Variants in GPR149 observed in about 807,000 individuals in gnomAD.
GPR149 encodes G protein-coupled receptor 149.
Under a neutral mutation model 50.2 loss-of-function variants are expected in GPR149, and 50 were observed. The ratio of observed to expected loss-of-function variants is 1.00; its 90% CI spans 0.79 to 1.26. The LOEUF (loss-of-function observed/expected upper bound fraction) is 1.26, where lower values mean the gene tolerates loss of function less well. Among genes scored for constraint, GPR149 ranks in the 50% most tolerant of loss-of-function variants. The pLI is 0.00. For missense variants in GPR149, 983 were observed against 895.4 expected (o/e 1.10, Z -1.25); for synonymous variants, 405 against 358.2 (o/e 1.13, Z -1.48).
Position 154,429,394 on chromosome 3 carries a change from C to T in GPR149, c.222G>A (p.Trp74Ter), listed in dbSNP as rs775138006. ...RTVVSMLVAS[W>*]SVDDLMSVLS... ...GGACGCTCATGAGATCATCCACAGA[C>T]CAGGAAGCCACAAGCATGGACACAA... Residue 74 changes from tryptophan to a stop codon, truncating the protein, a stop_gained, in exon 1 of 4, where the codon TGG (tryptophan) becomes TGA (stop). Transcript: ENST00000389740. LOFTEE classifies it high-confidence loss of function. 14 of 1,614,056 alleles carry T rather than the reference C, an allele frequency of 8.7e-6. No homozygotes were observed. Among genetic ancestry groups the T allele is most frequent in the Non-Finnish European group, 1.1e-5 (13 of 1,180,042 alleles).
chr3:154,366,324 A>C (rs1714532033), intron 3 of GPR149, among the ~76,000 whole-genome samples: 1 of 152,234 alleles, frequency 6.6e-6, no homozygotes, highest in Non-Finnish European at 1.5e-5. Flanking sequence ...GTACAGCATT[A>C]CATGACAGAT....
Position 154,429,174 on chromosome 3 carries a change from C to A in GPR149, c.442G>T (p.Gly148Cys). 1.1e-5 allele frequency: 18 copies of A among 1,613,974 alleles called. No homozygotes were observed. The highest frequency in any genetic ancestry group is 1.5e-5 in the Non-Finnish European group (18 of 1,179,986). Residue 148 changes from glycine (G) to cysteine (C), a missense_variant, in exon 1 of 4, where the codon GGC becomes TGC. Physicochemically the swap from Gly to Cys is radical, Grantham distance 159 (BLOSUM62 -3). Coordinates refer to ENST00000389740, the MANE Select transcript of GPR149 (RefSeq NM_001038705.3). ...GTCAGCACCACGCCGAGCACCTGGC[C>A]CGATCTTCTGGAGGCTGTCTGGCTC... ...VGSQTASRRS[G>C]QVLGVVLTVW... is the part of the protein sequence containing the mutation.
At chr3:154,428,252 C>T (rs1378099109) in intron 1 of GPR149, among the ~76,000 whole-genome samples, 4 of 152,292 alleles carry the variant, frequency 2.6e-5, no homozygotes, top group African/African-American at 4.8e-5. Context: ...AATGGAACGG[C>T]GAGAAAGGGA....
intron 3 of GPR149, chr3:154,352,625 C>T (rs758641048): frequency 2.6e-6 from 2 of 777,900 alleles, no homozygotes; most frequent in Non-Finnish European, 4.8e-6. Flanking sequence ...AAACTTGATG[C>T]ACCAGAAATG....
In GPR149 at chr3:154,374,961, GA is replaced by G. The variant is rs1714757548; in HGVS notation, c.1624-36691del. ...TATAATGTGGTACAGTTTGAGCAAAGATAAGTATTTAGAATTAGTTATATGG... is the reference window on the plus strand; with the variant it reads ...TATAATGTGGTACAGTTTGAGCAAAGTAAGTATTTAGAATTAGTTATATGG... On this transcript the variant is annotated intron_variant, in intron 3 of 3. Coordinates refer to ENST00000389740, the MANE Select transcript of GPR149 (RefSeq NM_001038705.3). 3.3e-5 allele frequency among the ~76,000 whole-genome samples: 5 copies of G among 152,324 alleles called. No individual in the cohort carries two copies. In the South Asian group the frequency reaches 1.0e-3, roughly 32 times the overall value.
intron 3 of GPR149, among the ~76,000 whole-genome samples, chr3:154,340,170 G>A (rs961013416): frequency 1.3e-5 from 2 of 152,098 alleles, no homozygotes; most frequent in African/African-American, 4.8e-5. Context: ...TTCTTTCCTG[G>A]TTATTCTCTG....
At chr3:154,406,824 C>T (rs982144370) in intron 3 of GPR149, among the ~76,000 whole-genome samples, 1 of 152,092 alleles carries the variant, frequency 6.6e-6, no homozygotes, top group East Asian at 1.9e-4. Flanking sequence ...GAATGAAGCG[C>T]ATATGCCTTT....
chr3:154,413,581 T>C (rs1349916932), intron 3 of GPR149, among the ~76,000 whole-genome samples: 1 of 151,542 alleles, frequency 6.6e-6, no homozygotes, highest in African/African-American at 2.4e-5. Flanking sequence ...ATCAGGGAAA[T>C]GCAAATCTAA....
chr3:154,425,043 GCAAAACAAAA>G (rs532538353), intron 2 of GPR149, among the ~76,000 whole-genome samples: 1 of 151,846 alleles, frequency 6.6e-6, no homozygotes, highest in African/African-American at 2.4e-5. Flanking sequence ...CATTTGAGAA[GCAAAACAAAA>G]CAAAACAAAA....
chr3:154,383,321 A>G (rs1714974148), intron 3 of GPR149, among the ~76,000 whole-genome samples: 2 of 152,122 alleles, frequency 1.3e-5, no homozygotes, highest in Non-Finnish European at 2.9e-5. Context: ...TTAACATATC[A>G]TCTCTGCTTC....
At chr3:154,352,894 T>C (rs1714116799) in intron 3 of GPR149, 2 of 885,122 alleles carry the variant, frequency 2.3e-6, no homozygotes, top group East Asian at 4.8e-5. Flanking sequence ...TGTCCAGCTC[T>C]ACCTGTGCAT....
intron 3 of GPR149, among the ~76,000 whole-genome samples, chr3:154,406,319 G>A (rs1033806521): frequency 1.2e-4 from 19 of 152,130 alleles, no homozygotes; most frequent in African/African-American, 4.6e-4. Flanking sequence ...CATTGCTGGT[G>A]GGAGTAGAAA....
intron 3 of GPR149, among the ~76,000 whole-genome samples, chr3:154,416,247 A>G (rs1011594251): frequency 6.6e-6 from 1 of 151,898 alleles, no homozygotes; most frequent in African/African-American, 2.4e-5. Context: ...ACTCATGCGC[A>G]TTCTCTAGCC....
intron 3 of GPR149, among the ~76,000 whole-genome samples, chr3:154,404,676 A>C (rs1711627377): frequency 6.6e-6 from 1 of 152,196 alleles, no homozygotes; most frequent in Admixed American, 6.5e-5. Context: ...AGATAACTGA[A>C]GTTTGTTCAC....
At chr3:154,412,205 G>A (rs184152197) in intron 3 of GPR149, among the ~76,000 whole-genome samples, 1 of 152,096 alleles carries the variant, frequency 6.6e-6, no homozygotes, top group East Asian at 1.9e-4. Flanking sequence ...ATATCCTAAG[G>A]TAATAAAAGC....
At chr3:154,381,255 A>AC (rs35889547) in intron 3 of GPR149, among the ~76,000 whole-genome samples, 1 of 152,132 alleles carries the variant, frequency 6.6e-6, no homozygotes, top group African/African-American at 2.4e-5. Context: ...TATTCACTGG[A>AC]CCCCAGCACC....
chr3:154,364,499 A>G (rs1559975299), intron 3 of GPR149, among the ~76,000 whole-genome samples: 2 of 152,222 alleles, frequency 1.3e-5, no homozygotes, highest in Non-Finnish European at 2.9e-5. Context: ...CATCTCAGGC[A>G]AATTACTCTC....
intron 3 of GPR149, among the ~76,000 whole-genome samples, chr3:154,387,067 A>C (rs1159842757): frequency 5.9e-5 from 9 of 152,214 alleles, no homozygotes; most frequent in Admixed American, 5.9e-4. Context: ...GAATATATAT[A>C]AAACAATACC....
rs572140120 is a variant in GPR149 at position 154,429,175 on chromosome 3, C to T, written c.441G>A (p.Ser147=). ...GVGSQTASRR[S]GQVLGVVLTV... is the part of the protein sequence containing the mutation. ...TCAGCACCACGCCGAGCACCTGGCCCGATCTTCTGGAGGCTGTCTGGCTCC... is the reference window on the plus strand; with the variant it reads ...TCAGCACCACGCCGAGCACCTGGCCTGATCTTCTGGAGGCTGTCTGGCTCC... The change falls in exon 1 of 4, where the codon TCG becomes TCA. Residue 147 remains serine, a synonymous_variant. Transcript: ENST00000389740. 37 of 1,613,816 alleles carry T rather than the reference C, an allele frequency of 2.3e-5. No homozygotes were observed. The highest frequency in any genetic ancestry group is 2.3e-5 in the Non-Finnish European group (27 of 1,179,952).
Sources: gnomAD v4.1 joint callset for allele counts (sites outside exome capture counted in the v4.1 genomes callset) on GRCh38, gnomAD v4.1.1 for gene constraint, MANE v1.5 for transcripts, NCBI Gene and HGNC (gene_info 2026-07-23, HGNC 2026-07-21) for gene names.